The following TCAIM variants were observed in gnomAD, a reference collection of about 807,000 sequenced individuals.
TCAIM encodes the protein T cell activation inhibitor, mitochondrial, also known as T-cell activation inhibitor, mitochondrial.
In TCAIM, 36 loss-of-function variants were observed where a neutral mutation model predicts 58.6. The ratio of observed to expected loss-of-function variants is 0.61; its 90% CI spans 0.47 to 0.81. The LOEUF is 0.81. Ranked by LOEUF, TCAIM falls within the 30% of genes least tolerant of loss-of-function variation. The probability of loss-of-function intolerance (pLI) is 0.00; values close to 1 mark genes in which losing one functional copy is unlikely to be tolerated. For missense variants in TCAIM, 466 were observed against 579.6 expected (o/e 0.80, Z 2.01); for synonymous variants, 172 against 193.6 (o/e 0.89, Z 0.93).
rs1702143635 is a variant in TCAIM at position 44,409,114 on chromosome 3, C to G, written c.*1432C>G. On this transcript the variant is annotated 3_prime_UTR_variant, in exon 11 of 11. Transcript: ENST00000342649. ...TTCTTGAAGTATGTTTTATATTTAT[C>G]TAAAACACTGATTTTAAAAGTTTAC... is the stretch of plus-strand genomic sequence containing the variant. The G allele has an allele frequency of 6.6e-6, 1 of 152,156 alleles. No individual in the cohort carries two copies. Among genetic ancestry groups the G allele is most frequent in the African/African-American group, 2.4e-5 (1 of 41,440 alleles). 9.4% of individuals were successfully genotyped at this position (152,156 alleles called of 1,614,324 possible).
At chr3:44,343,040 G>A (rs1418079197) in intron 1 of TCAIM, among the ~76,000 whole-genome samples, 1 of 151,984 alleles carries the variant, frequency 6.6e-6, no homozygotes, top group African/African-American at 2.4e-5. Flanking sequence ...GGGAAGCTGA[G>A]GCACGAGAAT....
intron 5 of TCAIM, among the ~76,000 whole-genome samples, chr3:44,382,294 A>G (rs1701666925): frequency 6.6e-6 from 1 of 152,166 alleles, no homozygotes; most frequent in Admixed American, 6.5e-5. Context: ...GTAGTGGCTC[A>G]CTTCTGTAAT....
intron 10 of TCAIM, among the ~76,000 whole-genome samples, chr3:44,403,661 T>TA (rs1702056401): frequency 1.3e-5 from 2 of 152,000 alleles, no homozygotes; most frequent in Admixed American, 6.6e-5. Flanking sequence ...AAAGTAAAAA[T>TA]AAAAAAATTC....
In TCAIM at chr3:44,367,446, T is replaced by G; in HGVS notation, c.320-10T>G. 6.3e-7 allele frequency: 1 copy of G among 1,598,662 alleles called. No individual in the cohort carries two copies. Among genetic ancestry groups the G allele is most frequent in the Non-Finnish European group, 8.5e-7 (1 of 1,170,062 alleles). On this transcript the variant is annotated splice_polypyrimidine_tract_variant and intron_variant, in intron 4 of 10. Transcript: ENST00000342649. ...CTGTATTAATTGTTTGGGGGAATTA[T>G]ATTCTCTAGGATTTCGAGCAGTCAA...
chr3:44,348,104 G>C (rs952885743), intron 1 of TCAIM, among the ~76,000 whole-genome samples: 6 of 152,166 alleles, frequency 3.9e-5, no homozygotes, highest in African/African-American at 1.2e-4. Context: ...TAGAAGCCTG[G>C]CCGTCAATAC....
rs142238102 is a variant in TCAIM at position 44,382,691 on chromosome 3, C to T, written c.573-10164C>T. Reference sequence around the variant, plus strand: ...ATGACATTGGATTTGCCAGTGATTTCGTGGATATAACACCTAAAACACAGG... The same window carrying T: ...ATGACATTGGATTTGCCAGTGATTTTGTGGATATAACACCTAAAACACAGG... On this transcript the variant is annotated intron_variant, in intron 5 of 10. Transcript: ENST00000342649. Among the ~76,000 whole-genome samples the T allele has an allele frequency of 7.9e-5, 12 of 152,182 alleles. No individual in the cohort carries two copies. The East Asian group carries it at 1.7e-3, about 22-fold the overall frequency.
rs1702008121 is a variant in TCAIM, at chr3:44,400,601, A to T, written c.1118+14A>T. The T allele has an allele frequency of 1.3e-6, 2 of 1,595,810 alleles. No individual in the cohort carries two copies. Among genetic ancestry groups the T allele is most frequent in the Non-Finnish European group, 1.7e-6 (2 of 1,164,554 alleles). On this transcript the variant is annotated intron_variant, in intron 9 of 10. Coordinates refer to ENST00000342649, the MANE Select transcript of TCAIM (RefSeq NM_173826.4). ...GATCCTTAACAGGTAAATATCTAAG[A>T]TAGAAGGATTACTTTTATTCCTTCG...
chr3:44,378,721 G>A (rs1701606291), intron 5 of TCAIM, among the ~76,000 whole-genome samples: 1 of 151,082 alleles, frequency 6.6e-6, no homozygotes, highest in Admixed American at 6.6e-5. Flanking sequence ...TGAGGCAGGA[G>A]AATTGCTTGA....
At chr3:44,396,699 G>T in intron 7 of TCAIM, 44 bp from the exon 8 acceptor site, 1 of 1,590,674 alleles carries the variant, frequency 6.3e-7, no homozygotes, top group Non-Finnish European at 8.6e-7. Context: ...CTGAAAGAAT[G>T]AAGCACCTCG....
chr3:44,359,100 G>A (rs758681638), intron 3 of TCAIM: 120 of 981,090 alleles, frequency 1.2e-4, no homozygotes, highest in Middle Eastern at 1.0e-3. Context: ...TAAGACTTCT[G>A]TATGCAGCAG....
At chr3:44,390,885 C>T (rs188565696) in intron 5 of TCAIM, among the ~76,000 whole-genome samples, 12 of 152,232 alleles carry the variant, frequency 7.9e-5, no homozygotes, top group Admixed American at 6.5e-5. Context: ...GGGCCCACCC[C>T]CAACCACTTT....
At chr3:44,385,768 G>A (rs376665689) in intron 5 of TCAIM, among the ~76,000 whole-genome samples, 8 of 151,952 alleles carry the variant, frequency 5.3e-5, no homozygotes, top group African/African-American at 1.9e-4. Flanking sequence ...CTGAAAATTT[G>A]TCTCTTATTA....
intron 3 of TCAIM, among the ~76,000 whole-genome samples, chr3:44,360,181 T>G (rs1392731749): frequency 1.3e-5 from 2 of 152,126 alleles, no homozygotes; most frequent in East Asian, 3.8e-4. Flanking sequence ...CAGTACTTGT[T>G]TTTTTTTCCT....
intron 8 of TCAIM, among the ~76,000 whole-genome samples, chr3:44,398,148 G>A (rs901742240): frequency 8.5e-5 from 13 of 152,196 alleles, no homozygotes; most frequent in Non-Finnish European, 1.6e-4. Flanking sequence ...TTTATTGGCC[G>A]GGCACTGTGG....
At chr3:44,338,578 G>A (rs926568300), upstream of TCAIM, 3 of 152,614 alleles carry the variant, frequency 2.0e-5, no homozygotes, top group East Asian at 1.9e-4. Context: ...GGAGCCGGGA[G>A]GGCCCAGCTG....
At chr3:44,392,614 A>AT (rs1701856134) in intron 5 of TCAIM, among the ~76,000 whole-genome samples, 1 of 152,226 alleles carries the variant, frequency 6.6e-6, no homozygotes. Context: ...GCTAAGGATA[A>AT]TAGCCTCCAG....
chr3:44,401,307 C>T lies in TCAIM; in HGVS notation c.1223C>T (p.Ala408Val), dbSNP rs1702019143. The T allele has an allele frequency of 6.2e-7, 1 of 1,613,870 alleles. No homozygotes were observed. ...QWFILTKAQQ[A>V]RENMKRKEEL... ...TTTATTCTCACCAAAGCTCAGCAGG[C>T]AAGAGAGAACATGAAAAGAAAGGAA... Residue 408 changes from alanine (A) to valine (V), a missense_variant, in exon 10 of 11, where the codon GCA becomes GTA. By Grantham distance (64) the Ala-to-Val change is moderately conservative. Transcript: ENST00000342649.
chr3:44,383,396 C>T (rs1701684306), intron 5 of TCAIM, among the ~76,000 whole-genome samples: 1 of 152,084 alleles, frequency 6.6e-6, no homozygotes, highest in African/African-American at 2.4e-5. Flanking sequence ...ACACAGGCTA[C>T]AACACATGAA....
chr3:44,357,690 T>G (rs1701221755), intron 2 of TCAIM, 51 bp from the exon 3 acceptor site: 1 of 1,586,054 alleles, frequency 6.3e-7, no homozygotes, highest in Admixed American at 1.7e-5. Context: ...ATTGAGGATT[T>G]GTGTGTGTGT....
Sources: gnomAD v4.1 joint callset for allele counts (sites outside exome capture counted in the v4.1 genomes callset) on GRCh38, gnomAD v4.1.1 for gene constraint, MANE v1.5 for transcripts, NCBI Gene and HGNC (gene_info 2026-07-23, HGNC 2026-07-21) for gene names.